Variants in CAMTA1 observed in about 807,000 individuals in gnomAD.
CAMTA1 encodes calmodulin binding transcription activator 1.
Under a neutral mutation model 170.9 loss-of-function variants are expected in CAMTA1, and 27 were observed. The ratio of observed to expected loss-of-function variants is 0.16; its 90% confidence interval spans 0.12 to 0.22. The LOEUF (loss-of-function observed/expected upper bound fraction) is 0.22. Ranked by LOEUF, CAMTA1 falls within the 10% of genes least tolerant of loss-of-function variation. The probability of loss-of-function intolerance (pLI) is 1.00; values close to 1 mark genes in which losing one functional copy is unlikely to be tolerated. For missense variants in CAMTA1, 1,619 were observed against 2,217.2 expected, an observed-to-expected ratio of 0.73 and a Z score of 5.42; for synonymous variants, 833 against 891.5, an observed-to-expected ratio of 0.93 and a Z score of 1.17.
intron 4 of CAMTA1, among the ~76,000 whole-genome samples, chr1:7,230,417 T>A: frequency 7.3e-6 from 1 of 136,322 alleles, no homozygotes; most frequent in Admixed American, 7.6e-5. Flanking sequence ...TTGGCTGGGC[T>A]GCTGCTCTGG....
At chr1:7,250,629 C>T (rs1359389716) in intron 5 of CAMTA1, among the ~76,000 whole-genome samples, 1 of 152,172 alleles carries the variant, frequency 6.6e-6, no homozygotes, top group East Asian at 1.9e-4. Context: ...CATGCTTTGT[C>T]ATGATGACTT....
chr1:7,470,511 C>T (rs1470228808), intron 6 of CAMTA1, among the ~76,000 whole-genome samples: 1 of 152,190 alleles, frequency 6.6e-6, no homozygotes, highest in African/African-American at 2.4e-5. Flanking sequence ...CAGGGCAGTG[C>T]CCATGTTGGG....
chr1:7,001,012 G>T (rs1698137141), intron 3 of CAMTA1, among the ~76,000 whole-genome samples: 1 of 152,146 alleles, frequency 6.6e-6, no homozygotes, highest in African/African-American at 2.4e-5. Flanking sequence ...TCTTTCAGTT[G>T]TCACTTACAT....
chr1:7,662,816 C>T (rs545935888), intron 8 of CAMTA1, among the ~76,000 whole-genome samples: 1 of 152,190 alleles, frequency 6.6e-6, no homozygotes, highest in East Asian at 1.9e-4. Context: ...GAGCTGGTCC[C>T]GAGACTGCAT....
intron 1 of CAMTA1, among the ~76,000 whole-genome samples, chr1:6,810,621 C>T (rs1253517570): frequency 1.3e-5 from 2 of 152,092 alleles, no homozygotes; most frequent in Middle Eastern, 3.4e-3. Context: ...CTGGCTAACA[C>T]GGTGAAATCC....
chr1:7,683,760 G>A (rs1445407859), intron 11 of CAMTA1, among the ~76,000 whole-genome samples: 10 of 152,216 alleles, frequency 6.6e-5, no homozygotes, highest in South Asian at 2.1e-4. Flanking sequence ...GGCCCTCCTC[G>A]TAACCCGTCT....
rs373194394 is a variant in CAMTA1 at position 7,504,471 on chromosome 1, C to T, written c.510+36570C>T. Among the ~76,000 whole-genome samples the T allele has an allele frequency of 1.5e-4, 23 of 152,364 alleles. No individual in the cohort carries two copies. The South Asian group carries it at 4.1e-3, about 27-fold the overall frequency. On this transcript the variant is annotated intron_variant, in intron 6 of 22. Coordinates refer to ENST00000303635, the MANE Select transcript of CAMTA1 (RefSeq NM_015215.4). ...TCCGTCAGGGAGGCCTTCTCAGCCTCGGGCAGGGAGTGTGGGCCTCACAGG... is the reference window on the plus strand; with the variant it reads ...TCCGTCAGGGAGGCCTTCTCAGCCTTGGGCAGGGAGTGTGGGCCTCACAGG...
chr1:7,470,723 C>T (rs796290142), intron 6 of CAMTA1, among the ~76,000 whole-genome samples: 78 of 152,302 alleles, frequency 5.1e-4, no homozygotes, highest in African/African-American at 1.8e-3. Flanking sequence ...GAGACTTTCT[C>T]CAAGGAATAG....
At chr1:7,535,763 A>C (rs969064709) in intron 6 of CAMTA1, among the ~76,000 whole-genome samples, 2 of 152,124 alleles carry the variant, frequency 1.3e-5, no homozygotes, top group Admixed American at 1.3e-4. Context: ...GACACAACCT[A>C]TGACCCCAGG....
At chr1:6,786,347 G>A (rs1639354493) in intron 1 of CAMTA1, among the ~76,000 whole-genome samples, 1 of 152,100 alleles carries the variant, frequency 6.6e-6, no homozygotes, top group Non-Finnish European at 1.5e-5. Context: ...ACAGCCAGGA[G>A]GGTGGGGTCT....
chr1:6,987,864 G>A (rs1695617465), intron 3 of CAMTA1, among the ~76,000 whole-genome samples: 1 of 151,442 alleles, frequency 6.6e-6, no homozygotes. Flanking sequence ...GCTGTGTGGT[G>A]CCCACCCCAG....
rs545618993 is a variant in CAMTA1, at chr1:7,254,312, A to G, written c.438+4686A>G. 1.9e-3 allele frequency among the ~76,000 whole-genome samples: 286 copies of G among 151,168 alleles called. 1 individual carries two copies. Among genetic ancestry groups the G allele is most frequent in the Non-Finnish European group, 2.2e-3 (152 of 68,008 alleles). On this transcript the variant is annotated intron_variant, in intron 5 of 22. Coordinates refer to ENST00000303635, the MANE Select transcript of CAMTA1 (RefSeq NM_015215.4). ...TTGCCATGGATGTTCTGCCTTTGGA[A>G]CCAGTGGGTGGTCACAGCACAGAGG...
chr1:7,751,212 A>G lies in CAMTA1; in HGVS notation c.4703A>G (p.Lys1568Arg). Reference sequence around the variant, plus strand: ...TTTCCCCTGCAGTACGCACTTTATAAAAAGATGACACAGGCTGCCATCCTT... The same window carrying G: ...TTTCCCCTGCAGTACGCACTTTATAGAAAGATGACACAGGCTGCCATCCTT... Reference protein sequence around the residue: ...YRKYKQYALYKKMTQAAILIQ... With the variant: ...YRKYKQYALYRKMTQAAILIQ... The change falls in exon 20 of 23, where the codon AAA becomes AGA. Residue 1568 changes from lysine (K) to arginine (R), a missense_variant. Lys to Arg is a conservative substitution (Grantham distance 26). Coordinates refer to ENST00000303635, the MANE Select transcript of CAMTA1 (RefSeq NM_015215.4). 6.3e-7 allele frequency: 1 copy of G among 1,591,106 alleles called. No individual in the cohort carries two copies. The highest frequency in any genetic ancestry group is 1.9e-5 in the Admixed American group (1 of 53,926).
At chr1:6,809,933 T>G (rs1644973218) in intron 1 of CAMTA1, among the ~76,000 whole-genome samples, 1 of 152,164 alleles carries the variant, frequency 6.6e-6, no homozygotes, top group African/African-American at 2.4e-5. Context: ...GGGTGGATGA[T>G]TATTTCAGAA....
At chr1:6,827,327 C>T (rs1394453361) in intron 3 of CAMTA1, among the ~76,000 whole-genome samples, 1 of 152,172 alleles carries the variant, frequency 6.6e-6, no homozygotes, top group Non-Finnish European at 1.5e-5. Flanking sequence ...ATGGGCTGTT[C>T]TTTCAGTTAA....
intron 7 of CAMTA1, among the ~76,000 whole-genome samples, chr1:7,648,283 T>C (rs917217987): frequency 1.3e-5 from 2 of 151,746 alleles, no homozygotes; most frequent in African/African-American, 4.8e-5. Context: ...TCACAACTAC[T>C]TGGTAGGCTG....
chr1:7,565,105 C>G lies in CAMTA1; in HGVS notation c.511-75295C>G, dbSNP rs1341109866. On this transcript the variant is annotated intron_variant, in intron 6 of 22. Coordinates refer to ENST00000303635, the MANE Select transcript of CAMTA1 (RefSeq NM_015215.4). This position sits in a 1 kb window ranked among gnomAD's most constrained non-coding sequence, Gnocchi z 4.5. ...AGGGGCTGTGGGTGCCAGGGGGCTC[C>G]CTGGGGAGACTCCTGCCAGTCACCT... 6.6e-6 allele frequency among the ~76,000 whole-genome samples: 1 copy of G among 151,816 alleles called. No homozygotes were observed. Among genetic ancestry groups the G allele is most frequent in the Non-Finnish European group, 1.5e-5 (1 of 67,936 alleles).
At chr1:7,612,073 C>A (rs975092625) in intron 6 of CAMTA1, among the ~76,000 whole-genome samples, 1 of 152,212 alleles carries the variant, frequency 6.6e-6, no homozygotes, top group African/African-American at 2.4e-5. Context: ...TTGGCAGTTG[C>A]CATCCACGGA....
At chr1:7,245,237 C>T (rs1169528270) in intron 4 of CAMTA1, among the ~76,000 whole-genome samples, 1 of 150,526 alleles carries the variant, frequency 6.6e-6, no homozygotes, top group African/African-American at 2.4e-5. Flanking sequence ...CACATACATA[C>T]ATACATACAC....
Sources: allele counts gnomAD v4.1 joint callset (sites outside exome capture counted in the v4.1 genomes callset), GRCh38; gene constraint gnomAD v4.1.1; non-coding constraint Gnocchi (gnomAD v3.1); transcripts MANE v1.5; gene names NCBI Gene and HGNC (gene_info 2026-07-23, HGNC 2026-07-21).